Variants in DLGAP2 observed in about 807,000 individuals in gnomAD.
DLGAP2 encodes DLG associated protein 2, also known as disks large-associated protein 2.
Under a neutral mutation model 100.3 loss-of-function variants are expected in DLGAP2, and 26 were observed. The observed-to-expected ratio is 0.26, with a 90% CI of 0.19 to 0.36. The LOEUF is 0.36. Among genes scored for constraint, DLGAP2 ranks in the 10% least tolerant of loss-of-function variants. The pLI is 1.00. For missense variants in DLGAP2, 1,858 were observed against 1,453.2 expected, an observed-to-expected ratio of 1.28 and a Z score of -4.53; for synonymous variants, 886 against 630.1, an observed-to-expected ratio of 1.41 and a Z score of -6.08.
chr8:1,408,736 A>T (rs185118103), intron 3 of DLGAP2, among the ~76,000 whole-genome samples: 1 of 152,274 alleles, frequency 6.6e-6, no homozygotes. Context: ...GTGAAAGCAG[A>T]ACCCGGGAAA....
At chr8:940,899 G>C (rs1367265079) in intron 2 of DLGAP2, among the ~76,000 whole-genome samples, 2 of 152,126 alleles carry the variant, frequency 1.3e-5, no homozygotes, top group Admixed American at 1.3e-4. Flanking sequence ...CTGAGCCCAG[G>C]AGTCACCAGC....
intron 3 of DLGAP2, among the ~76,000 whole-genome samples, chr8:1,472,766 G>A (rs1334552415): frequency 6.6e-6 from 1 of 152,164 alleles, no homozygotes. Flanking sequence ...GGGGTGACAA[G>A]GATGCACAGT....
chr8:1,046,933 CT>C (rs751382398), intron 2 of DLGAP2, among the ~76,000 whole-genome samples: 3 of 144,216 alleles, frequency 2.1e-5, no homozygotes, highest in Non-Finnish European at 3.0e-5. Context: ...GAAATGCATC[CT>C]TTTTTTGTTG....
Position 1,626,770 on chromosome 8 carries a change from G to C in DLGAP2, c.1473G>C (p.Val491=). ...TQTYLQAASD[V]PVGHSLDPAA... ...CCTACCTGCAAGCTGCAAGCGATGT[G>C]CCTGTGGGACACAGCCTGGACCCCG... The change falls in exon 7 of 15, where the codon GTG becomes GTC. Residue 491 remains valine, a synonymous_variant. Transcript: ENST00000637795. 1 of 1,604,176 alleles carries C rather than the reference G, an allele frequency of 6.2e-7. No individual in the cohort carries two copies. The highest frequency in any genetic ancestry group is 8.5e-7 in the Non-Finnish European group (1 of 1,175,746).
intron 5 of DLGAP2, among the ~76,000 whole-genome samples, chr8:1,551,946 C>T (rs1018487506): frequency 6.6e-6 from 1 of 152,192 alleles, no homozygotes; most frequent in Non-Finnish European, 1.5e-5. Flanking sequence ...TGATGAGCCT[C>T]TTCATCTCGT....
At chr8:1,132,482 C>G (rs1796314061) in intron 2 of DLGAP2, among the ~76,000 whole-genome samples, 1 of 152,204 alleles carries the variant, frequency 6.6e-6, no homozygotes, top group Non-Finnish European at 1.5e-5. Context: ...AAAGACTGAT[C>G]TGCAGCAGTG....
intron 3 of DLGAP2, among the ~76,000 whole-genome samples, chr8:1,472,679 G>T (rs1311150004): frequency 6.6e-6 from 1 of 152,238 alleles, no homozygotes; most frequent in African/African-American, 2.4e-5. Context: ...GAGGCAAGGG[G>T]TGCAGCTGCC....
chr8:904,666 A>G (rs566143508), intron 1 of DLGAP2, among the ~76,000 whole-genome samples: 1 of 152,244 alleles, frequency 6.6e-6, no homozygotes, highest in Admixed American at 6.5e-5. Context: ...AGAAATCAGT[A>G]TTTCGGGAAC....
chr8:1,429,106 T>A (rs777408165), intron 3 of DLGAP2, among the ~76,000 whole-genome samples: 5 of 152,198 alleles, frequency 3.3e-5, no homozygotes, highest in Non-Finnish European at 4.4e-5. Context: ...CATAAGTTGT[T>A]CCTGGAAACA....
At chr8:750,110 A>G (rs1380032747) in intron 1 of DLGAP2, among the ~76,000 whole-genome samples, 4 of 152,236 alleles carry the variant, frequency 2.6e-5, no homozygotes, top group African/African-American at 9.6e-5. Flanking sequence ...GCACGCTCAC[A>G]TTCCTGGGTG....
At chr8:754,570 C>T (rs1820874930) in intron 1 of DLGAP2, among the ~76,000 whole-genome samples, 6 of 152,206 alleles carry the variant, frequency 3.9e-5, no homozygotes. Flanking sequence ...AAGCAGTGTG[C>T]CTGCCCAGGT....
At position 1,184,318 on chromosome 8, in the gene DLGAP2, G is replaced by C. The variant is rs184198196; in HGVS notation, c.74-74533G>C. ...TGGTGAAAGTGTACACAGGTGCTCA[G>C]TAGTGGGAGATGCGTCCGAAACGCA... On this transcript the variant is annotated intron_variant, in intron 2 of 14. Coordinates refer to ENST00000637795, the MANE Select transcript of DLGAP2 (RefSeq NM_001346810.2). Among the ~76,000 whole-genome samples, 387 of 152,384 alleles carry C rather than the reference G, an allele frequency of 2.5e-3. 9 individuals are homozygous for C. The South Asian group carries it at 0.04, about 16-fold the overall frequency.
chr8:751,858 T>A (rs1448084670), intron 1 of DLGAP2, among the ~76,000 whole-genome samples: 1 of 152,120 alleles, frequency 6.6e-6, no homozygotes, highest in Non-Finnish European at 1.5e-5. Flanking sequence ...GAAGTTCATC[T>A]GACACTTCAT....
intron 2 of DLGAP2, among the ~76,000 whole-genome samples, chr8:1,183,203 C>T (rs1198776831): frequency 2.0e-5 from 3 of 152,060 alleles, no homozygotes; most frequent in Non-Finnish European, 1.5e-5. Flanking sequence ...GAGAGGGCGT[C>T]TCGGAGCGGG....
chr8:1,466,502 A>G (rs1798630513), intron 3 of DLGAP2, among the ~76,000 whole-genome samples: 1 of 147,896 alleles, frequency 6.8e-6, no homozygotes, highest in Non-Finnish European at 1.5e-5. Context: ...ACCAGGGTAT[A>G]ACTTTTCCAG....
At chr8:1,190,928 G>A (rs1797620929) in intron 2 of DLGAP2, among the ~76,000 whole-genome samples, 1 of 152,156 alleles carries the variant, frequency 6.6e-6, no homozygotes, top group African/African-American at 2.4e-5. Context: ...TCCTATGGAA[G>A]CCGTCCCATG....
intron 1 of DLGAP2, among the ~76,000 whole-genome samples, chr8:870,023 T>A (rs1263538830): frequency 6.0e-5 from 9 of 150,256 alleles, no homozygotes; most frequent in South Asian, 4.2e-4. Context: ...AAAAAAAAAA[T>A]GATTTGAGAC....
intron 4 of DLGAP2, among the ~76,000 whole-genome samples, chr8:1,520,629 C>A (rs906916727): frequency 6.5e-4 from 99 of 152,290 alleles, no homozygotes; most frequent in South Asian, 1.9e-3. Flanking sequence ...CTGACTCTTT[C>A]GCTACCTTTG....
At chr8:1,608,264 C>T (rs9772745) in intron 6 of DLGAP2, among the ~76,000 whole-genome samples, 1 of 119,394 alleles carries the variant, frequency 8.4e-6, no homozygotes, top group African/African-American at 2.9e-5. Flanking sequence ...TGGGAGGCAC[C>T]CCCCAGCAGG....
Sources: allele counts gnomAD v4.1 joint callset (sites outside exome capture counted in the v4.1 genomes callset), GRCh38; gene constraint gnomAD v4.1.1; transcripts MANE v1.5; gene names NCBI Gene and HGNC (gene_info 2026-07-23, HGNC 2026-07-21).